RGS6: variants seen among roughly 807,000 people sequenced by gnomAD.
The protein encoded by RGS6 is regulator of G-protein signaling 6.
A neutral mutation model predicts 78.5 loss-of-function variants in RGS6; 30 were observed. The ratio of observed to expected loss-of-function variants is 0.38; its 90% CI spans 0.29 to 0.52. The LOEUF is 0.52. RGS6 is among the 20% of genes least tolerant of loss of function. RGS6 has a pLI of 0.85. For missense variants in RGS6, 495 were observed against 609.7 expected, an observed-to-expected ratio of 0.81 and a Z score of 1.98; for synonymous variants, 206 against 206.0, an observed-to-expected ratio of 1.00 and a Z score of 0.00.
chr14:72,035,138 G>A (rs933732922), intron 2 of RGS6, among the ~76,000 whole-genome samples: 2 of 152,022 alleles, frequency 1.3e-5, no homozygotes, highest in African/African-American at 4.8e-5. Context: ...GGCATTCACT[G>A]GCGGCCTTGG....
At chr14:71,946,952 GAAAAC>G (rs1052609330) in intron 1 of RGS6, among the ~76,000 whole-genome samples, 2 of 152,160 alleles carry the variant, frequency 1.3e-5, no homozygotes, top group African/African-American at 4.8e-5. Context: ...AGTAAAATGA[GAAAAC>G]AAAAGTAGAT....
At chr14:72,141,373 C>T (rs571200672) in intron 2 of RGS6, among the ~76,000 whole-genome samples, 1 of 152,150 alleles carries the variant, frequency 6.6e-6, no homozygotes, top group Non-Finnish European at 1.5e-5. Context: ...CTCTGTGGAG[C>T]CTTGGATCCT....
At chr14:72,312,225 GTT>G (rs386364170) in intron 2 of RGS6, among the ~76,000 whole-genome samples, 60,303 of 128,694 alleles carry the variant, frequency 0.47, 12,825 homozygotes, top group South Asian at 0.57. Context: ...CTGAGAAATT[GTT>G]TTTTTTTTTT....
intron 3 of RGS6, among the ~76,000 whole-genome samples, chr14:72,387,767 G>T (rs2088688302): frequency 6.6e-6 from 1 of 152,162 alleles, no homozygotes; most frequent in African/African-American, 2.4e-5. Flanking sequence ...GCCGTAACAA[G>T]GTCCCACAGA....
intron 2 of RGS6, among the ~76,000 whole-genome samples, chr14:72,264,362 AAC>A: frequency 6.6e-6 from 1 of 152,364 alleles, no homozygotes; most frequent in Non-Finnish European, 1.5e-5. Context: ...GTGAGTAGAT[AAC>A]TATAAAGAAC....
intron 2 of RGS6, among the ~76,000 whole-genome samples, chr14:72,249,641 G>T (rs1340919488): frequency 2.6e-5 from 4 of 152,194 alleles, no homozygotes; most frequent in African/African-American, 9.6e-5. Context: ...CAATGTGAAT[G>T]CAATGAAGGA....
chr14:72,086,062 C>G (rs1173382772), intron 2 of RGS6, among the ~76,000 whole-genome samples: 1 of 151,956 alleles, frequency 6.6e-6, no homozygotes, highest in African/African-American at 2.4e-5. Flanking sequence ...TGCTCTCTTC[C>G]CTTTGAGATA....
At chr14:72,159,251 T>G (rs1385303035) in intron 2 of RGS6, among the ~76,000 whole-genome samples, 1 of 152,176 alleles carries the variant, frequency 6.6e-6, no homozygotes, top group African/African-American at 2.4e-5. Flanking sequence ...GCAGTGTTAT[T>G]CAGAACATCT....
rs75172176 is a variant in RGS6 at position 72,276,778 on chromosome 14, T to C, written c.85-75317T>C. 9.0e-3 allele frequency among the ~76,000 whole-genome samples: 1,374 copies of C among 152,270 alleles called. 24 individuals carry two copies. Among genetic ancestry groups the C allele is most frequent in the African/African-American group, 0.032 (1,318 of 41,528 alleles). On this transcript the variant is annotated intron_variant, in intron 2 of 17. Coordinates refer to ENST00000553525, the MANE Select transcript of RGS6 (RefSeq NM_001204424.2). ...AGGCCTCCCCAGCCCTGTAGAACTGTGAGTCAATCAAAACTCTTTTTTCTT... is the reference window on the plus strand; with the variant it reads ...AGGCCTCCCCAGCCCTGTAGAACTGCGAGTCAATCAAAACTCTTTTTTCTT...
At chr14:72,499,680 T>G (rs747638121) in intron 13 of RGS6, among the ~76,000 whole-genome samples, 28 of 152,096 alleles carry the variant, frequency 1.8e-4, no homozygotes, top group Admixed American at 3.3e-4. Flanking sequence ...GTTTGTTGTT[T>G]TTTTTTTACT....
chr14:72,218,189 T>C (rs780799720), intron 2 of RGS6, among the ~76,000 whole-genome samples: 9 of 152,160 alleles, frequency 5.9e-5, no homozygotes, highest in Non-Finnish European at 1.2e-4. Flanking sequence ...TTGGGGATGA[T>C]AGATGAGCAG....
At chr14:72,063,853 A>T (rs1242656574) in intron 2 of RGS6, among the ~76,000 whole-genome samples, 1 of 152,056 alleles carries the variant, frequency 6.6e-6, no homozygotes, top group Non-Finnish European at 1.5e-5. Context: ...TAGAATCAAG[A>T]TCATCAGATG....
chr14:72,293,464 T>TCTCCCTCTCTTCCCCC, intron 2 of RGS6, among the ~76,000 whole-genome samples: 1 of 151,996 alleles, frequency 6.6e-6, no homozygotes, highest in Non-Finnish European at 1.5e-5. Context: ...TCTCTCTCCC[T>TCTCCCTCTCTTCCCCC]CTCCCTCTCT....
chr14:72,176,306 TG>T (rs1296438230), intron 2 of RGS6, among the ~76,000 whole-genome samples: 1 of 152,142 alleles, frequency 6.6e-6, no homozygotes, highest in African/African-American at 2.4e-5. Flanking sequence ...GGAGATGACA[TG>T]GGGCATACTT....
chr14:72,599,084 G>A, the RGS6 span, among the ~76,000 whole-genome samples: 2 of 152,224 alleles, frequency 1.3e-5, no homozygotes, highest in Non-Finnish European at 2.9e-5. Flanking sequence ...CCCTAAGCAA[G>A]CCTCCACCTC....
intron 2 of RGS6, among the ~76,000 whole-genome samples, chr14:72,221,258 G>A (rs2046800990): frequency 1.3e-5 from 2 of 152,154 alleles, no homozygotes; most frequent in African/African-American, 2.4e-5. Flanking sequence ...TTTGCATAAA[G>A]TTATCCATTG....
chr14:72,469,850 CAA>C, intron 7 of RGS6, 155 bp from the exon 8 acceptor site: 1 of 620,244 alleles, frequency 1.6e-6, no homozygotes, highest in South Asian at 1.9e-5. Context: ...GGGTCTGGCG[CAA>C]AGTCAAATGG....
chr14:72,629,799 C>A, the RGS6 span: 1 of 1,303,924 alleles, frequency 7.7e-7, no homozygotes, highest in South Asian at 1.3e-5. Flanking sequence ...CTCAACACCA[C>A]TCACTGGAAA....
intron 2 of RGS6, among the ~76,000 whole-genome samples, chr14:72,174,318 G>A (rs746447107): frequency 2.6e-5 from 4 of 152,114 alleles, no homozygotes; most frequent in Non-Finnish European, 4.4e-5. Flanking sequence ...GGCTGGTCTC[G>A]AACTCCTGAC....
Sources: gnomAD v4.1 joint callset for allele counts (sites outside exome capture counted in the v4.1 genomes callset) on GRCh38, gnomAD v4.1.1 for gene constraint, MANE v1.5 for transcripts, NCBI Gene and HGNC (gene_info 2026-07-23, HGNC 2026-07-21) for gene names.